BZW2: variants seen among roughly 807,000 people sequenced by gnomAD.
The protein encoded by BZW2 is basic leucine zipper and W2 domains 2, also known as eIF5-mimic protein 1.
Under a neutral mutation model 53.2 loss-of-function variants are expected in BZW2, and 23 were observed. The observed-to-expected ratio is 0.43, with a 90% CI of 0.31 to 0.61. BZW2 has a LOEUF of 0.61. Among genes scored for constraint, BZW2 ranks in the 20% least tolerant of loss-of-function variants. The pLI is 0.09. For missense variants in BZW2, 409 were observed against 503.1 expected, an observed-to-expected ratio of 0.81 and a Z score of 1.79; for synonymous variants, 227 against 186.4, an observed-to-expected ratio of 1.22 and a Z score of -1.77.
chr7:16,667,530 C>G (rs1431658254), intron 2 of BZW2, among the ~76,000 whole-genome samples: 1 of 152,170 alleles, frequency 6.6e-6, no homozygotes, highest in African/African-American at 2.4e-5. Flanking sequence ...AGCCTGTGTT[C>G]TCTTGCAGTG....
chr7:16,659,764 G>A (rs1469166078), intron 1 of BZW2, among the ~76,000 whole-genome samples: 2 of 151,962 alleles, frequency 1.3e-5, no homozygotes, highest in African/African-American at 4.8e-5. Flanking sequence ...ATTTTATTGA[G>A]TTTTGTGTGT....
At chr7:16,704,243 A>G (rs1036784678) in intron 10 of BZW2, among the ~76,000 whole-genome samples, 1 of 152,224 alleles carries the variant, frequency 6.6e-6, no homozygotes, top group African/African-American at 2.4e-5. Flanking sequence ...ATTACAAAAC[A>G]ATTCTATTTC....
At chr7:16,669,166 TCTAGG>T (rs758749922) in intron 2 of BZW2, among the ~76,000 whole-genome samples, 1 of 152,202 alleles carries the variant, frequency 6.6e-6, no homozygotes, top group Non-Finnish European at 1.5e-5. Context: ...CACTCTGTCA[TCTAGG>T]CTGGAGTTCA....
intron 1 of BZW2, among the ~76,000 whole-genome samples, chr7:16,657,238 G>C (rs1427665769): frequency 6.6e-6 from 1 of 152,176 alleles, no homozygotes; most frequent in African/African-American, 2.4e-5. Context: ...GTATAGGTAA[G>C]AAGAATAAGA....
chr7:16,662,550 G>T (rs1782298017), intron 1 of BZW2, among the ~76,000 whole-genome samples: 1 of 152,080 alleles, frequency 6.6e-6, no homozygotes, highest in South Asian at 2.1e-4. Context: ...AATTCCATGA[G>T]TTTGTGTTCT....
At chr7:16,662,608 T>G (rs1024811358) in intron 1 of BZW2, among the ~76,000 whole-genome samples, 1 of 152,254 alleles carries the variant, frequency 6.6e-6, no homozygotes, top group African/African-American at 2.4e-5. Context: ...TTAGAATTTT[T>G]GAAATTACAA....
At chr7:16,689,735 G>A in intron 6 of BZW2, 62 bp from the exon 7 acceptor site, 2 of 1,398,560 alleles carry the variant, frequency 1.4e-6, no homozygotes, top group Non-Finnish European at 2.0e-6. Context: ...TGGTTGCTTT[G>A]CACACCATCA....
intron 6 of BZW2, chr7:16,688,679 T>C (rs763591077): frequency 3.3e-5 from 5 of 152,242 alleles, no homozygotes; most frequent in Non-Finnish European, 5.9e-5. Flanking sequence ...ATCAGTTAAA[T>C]GTTTCAGTTA....
At chr7:16,671,930 C>CAAAAAAAAAAAAAAA (rs56356463) in intron 2 of BZW2, among the ~76,000 whole-genome samples, 30 of 99,386 alleles carry the variant, frequency 3.0e-4, no homozygotes, top group African/African-American at 9.3e-4. Flanking sequence ...GACCCTGTTT[C>CAAAAAAAAAAAAAAA]AAAAAAAAAA....
intron 1 of BZW2, among the ~76,000 whole-genome samples, chr7:16,659,026 C>T (rs759004428): frequency 6.6e-6 from 1 of 150,696 alleles, no homozygotes; most frequent in South Asian, 2.1e-4. Flanking sequence ...ATTTGGGAGG[C>T]TGAGGCAGGA....
At chr7:16,651,910 A>G (rs147493420) in intron 1 of BZW2, among the ~76,000 whole-genome samples, 4 of 152,190 alleles carry the variant, frequency 2.6e-5, no homozygotes, top group East Asian at 3.8e-4. Context: ...ATTCCAAACT[A>G]TAAAATTTAT....
Position 16,694,943 on chromosome 7 carries a change from C to G in BZW2, c.761C>G (p.Thr254Ser). 2 of 1,597,822 alleles carry G rather than the reference C, an allele frequency of 1.3e-6. No individual in the cohort carries two copies. The highest frequency in any genetic ancestry group is 1.7e-6 in the Non-Finnish European group (2 of 1,167,526). Residue 254 changes from threonine (T) to serine (S), a missense_variant, in exon 8 of 12, where the codon ACC becomes AGC. Physicochemically the swap from Thr to Ser is moderately conservative, Grantham distance 58. Coordinates refer to ENST00000258761, the MANE Select transcript of BZW2 (RefSeq NM_014038.3). Reference protein sequence around the residue: ...DFLRVQQSLGTRKELQKELQE... With the variant: ...DFLRVQQSLGSRKELQKELQE... ...CTCCGAGTCCAGCAGTCCCTGGGCA[C>G]CAGGAAGGAACTGCAGAAGGAGCTC...
In BZW2 at chr7:16,660,867, C is replaced by G. The variant is rs529293264; in HGVS notation, c.-7-4570C>G. On this transcript the variant is annotated intron_variant, in intron 1 of 11. Transcript: ENST00000258761. ...ACAAAGGACCTCCTGGGGGTCCAATCTGGTCCACCACTTGTTGTGTTAATA... is the reference window on the plus strand; with the variant it reads ...ACAAAGGACCTCCTGGGGGTCCAATGTGGTCCACCACTTGTTGTGTTAATA... Among the ~76,000 whole-genome samples, 5 of 152,182 alleles carry G rather than the reference C, an allele frequency of 3.3e-5. No individual in the cohort carries two copies. In the East Asian group the frequency reaches 9.7e-4, roughly 29 times the overall value.
intron 7 of BZW2, among the ~76,000 whole-genome samples, chr7:16,690,267 A>G (rs542902082): frequency 1.3e-4 from 20 of 152,102 alleles, no homozygotes; most frequent in African/African-American, 4.6e-4. Context: ...CAATGGCACA[A>G]TCTCGCTCAC....
intron 1 of BZW2, among the ~76,000 whole-genome samples, chr7:16,661,038 A>G (rs80342422): frequency 7.9e-5 from 12 of 152,136 alleles, no homozygotes; most frequent in African/African-American, 2.7e-4. Flanking sequence ...ATTTCTTTAC[A>G]AAAAATGTTG....
At chr7:16,704,698 C>G in intron 11 of BZW2, 29 bp downstream of exon 11, 12 of 1,515,576 alleles carry the variant, frequency 7.9e-6, no homozygotes, top group Non-Finnish European at 9.9e-6. Context: ...ACATTGATGA[C>G]CTTTAAACAC....
chr7:16,691,929 T>C (rs960685598), intron 7 of BZW2, among the ~76,000 whole-genome samples: 1 of 152,124 alleles, frequency 6.6e-6, no homozygotes, highest in Non-Finnish European at 1.5e-5. Context: ...TGTGTATATA[T>C]ATGGAACATA....
intron 9 of BZW2, among the ~76,000 whole-genome samples, chr7:16,697,575 T>A (rs1372719856): frequency 1.3e-5 from 2 of 152,204 alleles, no homozygotes; most frequent in East Asian, 1.9e-4. Context: ...AAGTATTGAA[T>A]TGAGTAAGTC....
chr7:16,672,947 ACTTT>A (rs897017769), intron 2 of BZW2, among the ~76,000 whole-genome samples: 2 of 145,954 alleles, frequency 1.4e-5, no homozygotes, highest in Non-Finnish European at 3.0e-5. Context: ...TGTCTTATCC[ACTTT>A]CTTTTTTTTT....
Sources: allele counts gnomAD v4.1 joint callset (sites outside exome capture counted in the v4.1 genomes callset), GRCh38; gene constraint gnomAD v4.1.1; transcripts MANE v1.5; gene names NCBI Gene and HGNC (gene_info 2026-07-23, HGNC 2026-07-21).